ERICH1: variants seen among roughly 807,000 people sequenced by gnomAD.
The protein encoded by ERICH1 is glutamate rich 1.
A neutral mutation model predicts 39.6 loss-of-function variants in ERICH1; 56 were observed. The ratio of observed to expected loss-of-function variants is 1.41; its 90% CI spans 1.14 to 1.77. The LOEUF (loss-of-function observed/expected upper bound fraction) is 1.77, where lower values mean the gene tolerates loss of function less well. ERICH1 is among the 40% of genes most tolerant of loss of function. The pLI is 0.00. For missense variants in ERICH1, 826 were observed against 575.4 expected, an observed-to-expected ratio of 1.44 and a Z score of -4.45; for synonymous variants, 313 against 223.6, an observed-to-expected ratio of 1.40 and a Z score of -3.57.
Position 718,151 on chromosome 8 carries a change from C to T in ERICH1, c.23-2144G>A, listed in dbSNP as rs188388005. ...CAACACACCAGGGTACAGATCGGAG[C>T]GCACGGAGAAACCGCACAACGCACA... On this transcript the variant is annotated intron_variant, in intron 1 of 5. Transcript: ENST00000262109. Among the ~76,000 whole-genome samples the T allele has an allele frequency of 2.7e-5, 4 of 148,718 alleles. No individual in the cohort carries two copies. The East Asian group carries it at 6.0e-4, about 22-fold the overall frequency.
chr8:677,871 C>A (rs979726335), intron 3 of ERICH1, among the ~76,000 whole-genome samples: 4 of 152,102 alleles, frequency 2.6e-5, no homozygotes, highest in East Asian at 1.9e-4. Context: ...TGCTCATCAC[C>A]CCCCAGGCTC....
chr8:636,657 C>T (rs547912243), intron 3 of ERICH1, among the ~76,000 whole-genome samples: 39 of 152,368 alleles, frequency 2.6e-4, no homozygotes, highest in African/African-American at 8.7e-4. Context: ...ACAACAAAAG[C>T]GCAGTCCAAA....
intron 3 of ERICH1, among the ~76,000 whole-genome samples, chr8:621,137 A>G (rs1020949679): frequency 2.0e-5 from 3 of 152,222 alleles, no homozygotes; most frequent in African/African-American, 7.2e-5. Context: ...ATTCACAAAT[A>G]TGTGAAAATT....
At chr8:695,237 C>G (rs1809884149) in intron 2 of ERICH1, among the ~76,000 whole-genome samples, 1 of 152,106 alleles carries the variant, frequency 6.6e-6, no homozygotes, top group Admixed American at 6.5e-5. Context: ...CCACCCAGCC[C>G]TGTGCGGAAG....
At chr8:617,076 C>T (rs1796968393) in intron 3 of ERICH1, among the ~76,000 whole-genome samples, 1 of 152,124 alleles carries the variant, frequency 6.6e-6, no homozygotes, top group South Asian at 2.1e-4. Flanking sequence ...CTCTTTGTCC[C>T]AGCCCACCCA....
intron 3 of ERICH1, among the ~76,000 whole-genome samples, chr8:681,897 A>G (rs1218409980): frequency 1.3e-5 from 2 of 152,068 alleles, no homozygotes; most frequent in Admixed American, 1.3e-4. Context: ...CACCCTTGAC[A>G]CCTGATTGGG....
chr8:729,670 C>T (rs898528256), intron 1 of ERICH1, among the ~76,000 whole-genome samples: 4 of 152,036 alleles, frequency 2.6e-5, no homozygotes, highest in Non-Finnish European at 5.9e-5. Context: ...CTTCCAACCA[C>T]AATGTCCTTA....
At chr8:637,769 C>T (rs1269384506) in intron 3 of ERICH1, among the ~76,000 whole-genome samples, 3 of 152,212 alleles carry the variant, frequency 2.0e-5, no homozygotes, top group African/African-American at 7.2e-5. Flanking sequence ...CACGGCTGCT[C>T]AGTTGGGGAG....
In ERICH1 at chr8:673,716, G is replaced by A. The variant is rs138912132; in HGVS notation, c.636C>T (p.Asp212=). The A allele has an allele frequency of 1.7e-4, 281 of 1,614,038 alleles. No homozygotes were observed. Among genetic ancestry groups the A allele is most frequent in the Non-Finnish European group, 2.1e-4 (245 of 1,180,010 alleles). Residue 212 remains aspartate (D), a synonymous_variant, in exon 4 of 6, where the codon GAC becomes GAT. Coordinates refer to ENST00000262109, the MANE Select transcript of ERICH1 (RefSeq NM_207332.3). Reference sequence around the variant, plus strand: ...CCAGTGTCGGGTCTTCCTCGCTGGTGTCCACACCATCCTCCTCACAAGCCT... The same window carrying A: ...CCAGTGTCGGGTCTTCCTCGCTGGTATCCACACCATCCTCCTCACAAGCCT... ...VGEACEEDGV[D]TSEEDPTLAG...
intron 3 of ERICH1, among the ~76,000 whole-genome samples, chr8:634,892 C>T (rs1396401571): frequency 6.6e-6 from 1 of 152,206 alleles, no homozygotes; most frequent in Admixed American, 6.5e-5. Context: ...AATCAGGTAA[C>T]AGGGCAGCGT....
intron 3 of ERICH1, among the ~76,000 whole-genome samples, chr8:687,403 A>G (rs1316458573): frequency 6.6e-6 from 1 of 152,250 alleles, no homozygotes; most frequent in Non-Finnish European, 1.5e-5. Flanking sequence ...TCGGGGAATA[A>G]AAAGCCGGCA....
intron 3 of ERICH1, chr8:626,542 C>T (rs1025016944): frequency 1.9e-5 from 3 of 155,070 alleles, no homozygotes; most frequent in Admixed American, 1.2e-4. Flanking sequence ...ACAGAGCTCC[C>T]CGGGACAAAA....
intron 3 of ERICH1, among the ~76,000 whole-genome samples, chr8:685,383 T>C (rs749755983): frequency 4.6e-5 from 7 of 152,228 alleles, no homozygotes; most frequent in Non-Finnish European, 8.8e-5. Flanking sequence ...AGATTTCATA[T>C]TGTTCAAACA....
rs913779847 is a variant in ERICH1, at chr8:628,221, T to C, written c.977-12937A>G. On this transcript the variant is annotated intron_variant, in intron 3 of 3. Transcript: ENST00000522706. ...AAACTACTTGATGTTATCTGCAGGC[T>C]AGCCAGGGCCCCAGGCAGGCAGAGC... Among the ~76,000 whole-genome samples, 86 of 152,346 alleles carry C rather than the reference T, an allele frequency of 5.6e-4. 1 individual carries two copies. The highest frequency in any genetic ancestry group is 9.1e-4 in the Admixed American group (14 of 15,306).
At chr8:730,452 T>A (rs193095974) in intron 1 of ERICH1, among the ~76,000 whole-genome samples, 1 of 152,196 alleles carries the variant, frequency 6.6e-6, no homozygotes, top group South Asian at 2.1e-4. Flanking sequence ...ACGAGATTCA[T>A]GTCAAAAACC....
At position 652,261 on chromosome 8, in the gene ERICH1, GTGA is replaced by G. The variant is rs748788662; in HGVS notation, c.976+16334_976+16336del. Among the ~76,000 whole-genome samples, 92 of 152,356 alleles carry G rather than the reference GTGA, an allele frequency of 6.0e-4. No individual in the cohort carries two copies. The Middle Eastern group carries it at 0.01, about 17-fold the overall frequency. On this transcript the variant is annotated intron_variant, in intron 3 of 3. Transcript: ENST00000522706. ...TGCAGCCAGCAGGAGGAAAGGTTAC[GTGA>G]TGGAGGGAGAAGCTGTTCTACAAGA... is the stretch of plus-strand genomic sequence containing the variant.
intron 2 of ERICH1, among the ~76,000 whole-genome samples, chr8:699,017 G>A (rs949350613): frequency 1.3e-5 from 2 of 151,772 alleles, no homozygotes; most frequent in African/African-American, 2.4e-5. Flanking sequence ...GTGGCGGGAG[G>A]CTCAGTGGAG....
chr8:616,836 A>AG (rs1796937475), intron 3 of ERICH1, among the ~76,000 whole-genome samples: 3 of 74,176 alleles, frequency 4.0e-5, no homozygotes, highest in Admixed American at 1.3e-4. Flanking sequence ...GAGAGAGAGA[A>AG]AGAGAGAGGG....
intron 2 of ERICH1, among the ~76,000 whole-genome samples, chr8:712,631 T>C (rs1214935053): frequency 6.6e-6 from 1 of 152,050 alleles, no homozygotes; most frequent in East Asian, 1.9e-4. Flanking sequence ...GGGTTTCTAC[T>C]GTCTACTGTG....
Sources: gnomAD v4.1 joint callset for allele counts (sites outside exome capture counted in the v4.1 genomes callset) on GRCh38, gnomAD v4.1.1 for gene constraint, MANE v1.5 for transcripts, NCBI Gene and HGNC (gene_info 2026-07-23, HGNC 2026-07-21) for gene names.